The following PRELID2 variants were observed in gnomAD, a reference collection of about 807,000 sequenced individuals.
The protein encoded by PRELID2 is PRELI domain containing 2, also known as PRELI domain-containing protein 2.
A neutral mutation model predicts 28.4 loss-of-function variants in PRELID2; 25 were observed. The ratio of observed to expected loss-of-function variants is 0.88; its 90% confidence interval spans 0.64 to 1.23. The LOEUF is 1.23. PRELID2 is among the 50% of genes most tolerant of loss of function. The probability of loss-of-function intolerance (pLI) is 0.00; values close to 1 mark genes in which losing one functional copy is unlikely to be tolerated. For missense variants in PRELID2, 201 were observed against 214.4 expected (o/e 0.94, Z 0.39); for synonymous variants, 76 against 71.6 (o/e 1.06, Z -0.31).
At chr5:145,722,044 T>C (rs919279523) in intron 1 of PRELID2, among the ~76,000 whole-genome samples, 3 of 152,248 alleles carry the variant, frequency 2.0e-5, no homozygotes, top group African/African-American at 4.8e-5. Context: ...AGACAAAACA[T>C]TGATAGACTT....
intron 1 of PRELID2, among the ~76,000 whole-genome samples, chr5:145,546,903 GT>G (rs1467184718): frequency 2.0e-5 from 3 of 152,200 alleles, no homozygotes; most frequent in African/African-American, 7.2e-5. Flanking sequence ...AAGAGGACAA[GT>G]TTTGTGATCT....
At chr5:145,517,577 G>C (rs1032170332) in intron 1 of PRELID2, among the ~76,000 whole-genome samples, 3 of 152,148 alleles carry the variant, frequency 2.0e-5, no homozygotes, top group Admixed American at 6.5e-5. Context: ...GTGGAAGACC[G>C]TGTGGCAATT....
chr5:145,352,184 C>G, the PRELID2 span, among the ~76,000 whole-genome samples: 1 of 152,204 alleles, frequency 6.6e-6, no homozygotes, highest in African/African-American at 2.4e-5. Flanking sequence ...GAGGGTCCAA[C>G]TCCACCTTTC....
At chr5:145,399,818 C>T in the PRELID2 span, among the ~76,000 whole-genome samples, 36 of 152,100 alleles carry the variant, frequency 2.4e-4, no homozygotes, top group Non-Finnish European at 4.7e-4. Flanking sequence ...TCACATCTTA[C>T]GTAGATGGTG....
chr5:145,269,763 C>G, the PRELID2 span, among the ~76,000 whole-genome samples: 1 of 149,310 alleles, frequency 6.7e-6, no homozygotes, highest in Non-Finnish European at 1.5e-5. Context: ...GTGGGCAAAA[C>G]CTCCATGCTA....
intron 1 of PRELID2, among the ~76,000 whole-genome samples, chr5:145,572,543 T>C (rs536642576): frequency 6.6e-6 from 1 of 152,336 alleles, no homozygotes; most frequent in South Asian, 2.1e-4. Context: ...ATCATAATTA[T>C]TTTAGTTATG....
At chr5:145,557,340 T>C (rs550090732) in intron 1 of PRELID2, among the ~76,000 whole-genome samples, 4 of 152,290 alleles carry the variant, frequency 2.6e-5, no homozygotes, top group African/African-American at 9.6e-5. Context: ...AACAGGGAGC[T>C]TGAGTTAGTT....
chr5:145,669,977 A>G (rs1483058593), intron 1 of PRELID2, among the ~76,000 whole-genome samples: 1 of 151,968 alleles, frequency 6.6e-6, no homozygotes, highest in Non-Finnish European at 1.5e-5. Context: ...TATTATACTC[A>G]CTGACCAGTT....
chr5:145,721,032 C>T (rs1581097376), intron 1 of PRELID2, among the ~76,000 whole-genome samples: 1 of 151,938 alleles, frequency 6.6e-6, no homozygotes, highest in Non-Finnish European at 1.5e-5. Flanking sequence ...AAACCCATTA[C>T]ATAATATAAA....
the PRELID2 span, among the ~76,000 whole-genome samples, chr5:145,335,910 T>C: frequency 2.0e-5 from 3 of 152,218 alleles, no homozygotes; most frequent in African/African-American, 7.2e-5. Flanking sequence ...GTGTTCCCAT[T>C]TCTCCACATC....
chr5:145,567,244 C>T (rs146238020), intron 1 of PRELID2, among the ~76,000 whole-genome samples: 4 of 152,296 alleles, frequency 2.6e-5, no homozygotes, highest in Admixed American at 1.3e-4. Flanking sequence ...ACCCAAATCT[C>T]AAATTGTAAT....
intron 1 of PRELID2, among the ~76,000 whole-genome samples, chr5:145,515,459 T>C (rs988933820): frequency 6.6e-6 from 1 of 152,118 alleles, no homozygotes; most frequent in Non-Finnish European, 1.5e-5. Context: ...GTCAAATCCC[T>C]GAATAAAACA....
chr5:145,491,567 CTCTT>C (rs968211842), intron 1 of PRELID2, among the ~76,000 whole-genome samples: 1 of 150,348 alleles, frequency 6.7e-6, no homozygotes, highest in Non-Finnish European at 1.5e-5. Context: ...AACATACACT[CTCTT>C]AGTGCTTTTC....
the PRELID2 span, among the ~76,000 whole-genome samples, chr5:145,348,287 C>T: frequency 6.6e-6 from 1 of 152,096 alleles, no homozygotes; most frequent in Non-Finnish European, 1.5e-5. Context: ...AAGAATAAAA[C>T]CACAATATTC....
the PRELID2 span, among the ~76,000 whole-genome samples, chr5:145,276,015 T>G: frequency 6.6e-6 from 1 of 152,120 alleles, no homozygotes; most frequent in South Asian, 2.1e-4. Context: ...CATGACAAGT[T>G]TTATCATTAG....
chr5:145,683,054 A>G (rs1754968816), intron 1 of PRELID2, among the ~76,000 whole-genome samples: 1 of 152,194 alleles, frequency 6.6e-6, no homozygotes, highest in Non-Finnish European at 1.5e-5. Context: ...AAAAATACAG[A>G]GCATTGTTTA....
intron 1 of PRELID2, among the ~76,000 whole-genome samples, chr5:145,720,237 T>G (rs989262351): frequency 6.6e-6 from 1 of 151,668 alleles, no homozygotes; most frequent in Admixed American, 6.6e-5. Context: ...TAAATCCACA[T>G]ACTAAATGGG....
the PRELID2 span, among the ~76,000 whole-genome samples, chr5:145,417,002 A>G: frequency 6.6e-6 from 1 of 152,050 alleles, no homozygotes; most frequent in African/African-American, 2.4e-5. Context: ...TTAATAAAAC[A>G]GACTGCAAGC....
intron 1 of PRELID2, among the ~76,000 whole-genome samples, chr5:145,604,934 GTA>G (rs964482306): frequency 1.1e-3 from 141 of 130,652 alleles, no homozygotes; most frequent in African/African-American, 4.2e-3. Context: ...ATATTCTTCT[GTA>G]TATATATATA....
Sources: allele counts gnomAD v4.1 joint callset (sites outside exome capture counted in the v4.1 genomes callset), GRCh38; gene constraint gnomAD v4.1.1; transcripts MANE v1.5; gene names NCBI Gene and HGNC (gene_info 2026-07-23, HGNC 2026-07-21).